LPO: variants seen among roughly 807,000 people sequenced by gnomAD.
LPO encodes salivary peroxidase.
In LPO, 70 loss-of-function variants were observed where a neutral mutation model predicts 68.4. The ratio of observed to expected loss-of-function variants is 1.02; its 90% confidence interval spans 0.84 to 1.25. LPO has a LOEUF of 1.25. Ranked by LOEUF, LPO falls within the 50% of genes most tolerant of loss-of-function variation. The pLI is 0.00. For synonymous variants in LPO, 360 were observed against 357.6 expected (o/e 1.01, Z -0.08); for missense variants, 873 against 908.4 (o/e 0.96, Z 0.50).
intron 3 of LPO, 25 bp from the exon 4 acceptor site, chr17:58,247,453 T>G: frequency 7.3e-7 from 1 of 1,367,232 alleles, no homozygotes; most frequent in African/African-American, 1.5e-5. Context: ...GTCCAGGCCA[T>G]GATCCCCATC....
intron 5 of LPO, 155 bp downstream of exon 5, chr17:58,249,332 C>T (rs1242780059): frequency 1.2e-6 from 1 of 868,546 alleles, no homozygotes; most frequent in African/African-American, 1.7e-5. Context: ...GATCGCGCGT[C>T]TCCAGCCCTC....
intron 10 of LPO, among the ~76,000 whole-genome samples, chr17:58,265,927 C>T (rs557175259): frequency 6.6e-6 from 1 of 152,094 alleles, no homozygotes; most frequent in Non-Finnish European, 1.5e-5. Flanking sequence ...CATCCCATGA[C>T]TGCCCCTTTC....
chr17:58,257,173 G>T (rs11656836), intron 9 of LPO, among the ~76,000 whole-genome samples: 29,634 of 151,196 alleles, frequency 0.2, 2,995 homozygotes, highest in Non-Finnish European at 0.21. Flanking sequence ...ACCTTAAGCG[G>T]TCCACCCACC....
intron 11 of LPO, among the ~76,000 whole-genome samples, chr17:58,266,676 C>T (rs1248934825): frequency 1.3e-5 from 2 of 151,918 alleles, no homozygotes; most frequent in Non-Finnish European, 2.9e-5. Flanking sequence ...AGGCTGGTCT[C>T]GAACTCCTGG....
intron 9 of LPO, among the ~76,000 whole-genome samples, chr17:58,261,749 T>C (rs1266201035): frequency 6.6e-6 from 1 of 152,222 alleles, no homozygotes; most frequent in Admixed American, 6.5e-5. Context: ...AATTGAACAT[T>C]TTTTAGAGGT....
chr17:58,251,822 CA>C, intron 7 of LPO: 1 of 550,040 alleles, frequency 1.8e-6, no homozygotes, highest in Non-Finnish European at 3.6e-6. Flanking sequence ...ATGGTAAGTC[CA>C]AAATAAATAC....
Position 58,268,105 on chromosome 17 carries a change from C to A in LPO, c.*111C>A. The stretch of plus-strand genomic sequence containing the variant: ...TCCCAGTCCCAGCCCTTCTTTGCAG[C>A]TGGGCCTCTCTATACCCCTGGATGA... On this transcript the variant is annotated 3_prime_UTR_variant, in exon 13 of 13. Transcript: ENST00000262290. 8.8e-7 allele frequency: 1 copy of A among 1,139,084 alleles called. No individual in the cohort carries two copies. Among genetic ancestry groups the A allele is most frequent in the Non-Finnish European group, 1.3e-6 (1 of 797,222 alleles). 70.6% of individuals were successfully genotyped at this position (1,139,084 alleles called of 1,614,324 possible).
At chr17:58,240,400 A>G (rs1969733292) in intron 1 of LPO, among the ~76,000 whole-genome samples, 1 of 152,196 alleles carries the variant, frequency 6.6e-6, no homozygotes, top group Non-Finnish European at 1.5e-5. Flanking sequence ...ATAAATATCT[A>G]CACATCACAG....
rs776560852 is a variant in LPO, at chr17:58,267,821, G to A, written c.1966G>A (p.Glu656Lys). Reference sequence around the variant, plus strand: ...GGAAAACCCTGGGGTCTTCACGAACGAGCAGAAGGACTCTCTACAGAAAAT... The same window carrying A: ...GGAAAACCCTGGGGTCTTCACGAACAAGCAGAAGGACTCTCTACAGAAAAT... Reference protein sequence around the residue: ...WWENPGVFTNEQKDSLQKMSF... With the variant: ...WWENPGVFTNKQKDSLQKMSF... Residue 656 changes from glutamate (E) to lysine (K), a missense_variant, in exon 13 of 13, where the codon GAG becomes AAG. Physicochemically the swap from Glu to Lys is moderately conservative, Grantham distance 56 (BLOSUM62 1). Transcript: ENST00000262290. The A allele has an allele frequency of 9.3e-6, 15 of 1,614,124 alleles. No homozygotes were observed. Among genetic ancestry groups the A allele is most frequent in the Non-Finnish European group, 1.2e-5 (14 of 1,180,026 alleles).
chr17:58,247,430 C>A, intron 3 of LPO, 48 bp from the exon 4 acceptor site: 2 of 1,580,462 alleles, frequency 1.3e-6, no homozygotes, highest in South Asian at 1.2e-5. Context: ...GCCCCCAGCC[C>A]CCTTCCTACA....
chr17:58,249,485 G>C, intron 5 of LPO, 81 bp from the exon 6 acceptor site: 6 of 1,529,042 alleles, frequency 3.9e-6, no homozygotes, highest in Non-Finnish European at 4.4e-6. Context: ...TCGAGCAGAG[G>C]CTCCTTCCCC....
intron 3 of LPO, among the ~76,000 whole-genome samples, chr17:58,246,631 A>G (rs929238064): frequency 1.3e-5 from 2 of 152,130 alleles, no homozygotes; most frequent in African/African-American, 4.8e-5. Flanking sequence ...CTTACAGGCT[A>G]AGCCCAGGGA....
rs1257521313 is a variant in LPO, at chr17:58,264,929, C to T, written c.1474C>T (p.Pro492Ser). 1 of 1,614,098 alleles carries T rather than the reference C, an allele frequency of 6.2e-7. No individual in the cohort carries two copies. Among genetic ancestry groups the T allele is most frequent in the Non-Finnish European group, 8.5e-7 (1 of 1,180,040 alleles). The change falls in exon 10 of 13, where the codon CCC (proline) becomes TCC (serine). Residue 492 changes from proline to serine, a missense_variant. Coordinates refer to ENST00000262290, the MANE Select transcript of LPO (RefSeq NM_006151.3). ...GCCATGGGGGCCAGAACCAGAACTC[C>T]CCCTCCACACCCTCTTCTTCAACAC... ...YQPWGPEPEL[P>S]LHTLFFNTWR...
chr17:58,260,401 TC>T (rs1159969700), intron 9 of LPO, among the ~76,000 whole-genome samples: 1 of 152,194 alleles, frequency 6.6e-6, no homozygotes, highest in African/African-American at 2.4e-5. Flanking sequence ...TCCTGGAACT[TC>T]CTAGTGGCTC....
At chr17:58,249,830 C>A in intron 6 of LPO, 135 bp downstream of exon 6, 2 of 1,284,304 alleles carry the variant, frequency 1.6e-6, no homozygotes, top group Non-Finnish European at 2.0e-6. Context: ...CACAGACCCC[C>A]ACCTTCCGCT....
intron 1 of LPO, among the ~76,000 whole-genome samples, chr17:58,240,409 A>G (rs1969733517): frequency 6.6e-6 from 1 of 152,216 alleles, no homozygotes; most frequent in Non-Finnish European, 1.5e-5. Context: ...TACACATCAC[A>G]GGAGCCTCTT....
chr17:58,244,201 C>T (rs1969813138), intron 3 of LPO, 120 bp downstream of exon 3: 6 of 774,038 alleles, frequency 7.8e-6, no homozygotes, highest in Non-Finnish European at 1.3e-5. Context: ...ATGAGGTGAA[C>T]AATGATAAAA....
intron 8 of LPO, 174 bp from the exon 9 acceptor site, chr17:58,254,637 A>G: frequency 1.7e-6 from 1 of 580,588 alleles, no homozygotes; most frequent in Admixed American, 3.4e-5. Flanking sequence ...TGAGAGTCAA[A>G]CCTATGATTC....
At position 58,249,596 on chromosome 17, in the gene LPO, G is replaced by A. The variant is rs1422190109; in HGVS notation, c.474G>A (p.Arg158=). The change falls in exon 6 of 13, where the codon AGG becomes AGA. Residue 158 remains arginine, a synonymous_variant. Coordinates refer to ENST00000262290, the MANE Select transcript of LPO (RefSeq NM_006151.3). ...RRKPALGAAN[R]ALARWLPAEY... is the part of the protein sequence containing the mutation. ...AGCCTGCGCTGGGCGCCGCCAACAG[G>A]GCTCTGGCGCGCTGGCTGCCCGCGG... The A allele has an allele frequency of 6.9e-6, 11 of 1,603,828 alleles. No homozygotes were observed. Among genetic ancestry groups the A allele is most frequent in the Middle Eastern group, 1.8e-4 (1 of 5,556 alleles).
Sources: gnomAD v4.1 joint callset for allele counts (sites outside exome capture counted in the v4.1 genomes callset) on GRCh38, gnomAD v4.1.1 for gene constraint, MANE v1.5 for transcripts, NCBI Gene and HGNC (gene_info 2026-07-23, HGNC 2026-07-21) for gene names.